AHI1: variants seen among roughly 807,000 people sequenced by gnomAD.
AHI1 encodes jouberin.
AHI1 carries 123 observed loss-of-function variants against 149.3 expected under a neutral mutation model. The observed-to-expected ratio is 0.82, with a 90% confidence interval of 0.71 to 0.96. The LOEUF is 0.96. AHI1 is among the 40% of genes least tolerant of loss of function. The probability of loss-of-function intolerance (pLI) is 0.00; values close to 1 mark genes in which losing one functional copy is unlikely to be tolerated. For synonymous variants in AHI1, 475 were observed against 459.8 expected (o/e 1.03, Z -0.42); for missense variants, 1,439 against 1,422.7 (o/e 1.01, Z -0.18).
intron 22 of AHI1, among the ~76,000 whole-genome samples, chr6:135,401,054 C>T (rs1271134973): frequency 1.3e-5 from 2 of 152,110 alleles, no homozygotes; most frequent in African/African-American, 4.8e-5. Context: ...CAATTGTTTC[C>T]CCTTGCTTGC....
chr6:135,362,281 T>C (rs1454074053), intron 23 of AHI1, among the ~76,000 whole-genome samples: 1 of 152,166 alleles, frequency 6.6e-6, no homozygotes, highest in Non-Finnish European at 1.5e-5. Context: ...TTTTGTACAG[T>C]GACTTTTTTT....
At chr6:135,345,587 G>A (rs1051295561) in intron 24 of AHI1, among the ~76,000 whole-genome samples, 2 of 152,140 alleles carry the variant, frequency 1.3e-5, no homozygotes, top group East Asian at 1.9e-4. Flanking sequence ...TACACAGTGC[G>A]TTTATATAAA....
At chr6:135,462,740 AC>A (rs1359604914) in intron 8 of AHI1, among the ~76,000 whole-genome samples, 2 of 152,122 alleles carry the variant, frequency 1.3e-5, no homozygotes, top group African/African-American at 4.8e-5. Flanking sequence ...GTCTCTACTA[AC>A]AATACAAAAA....
chr6:135,373,068 A>G (rs1582884341), intron 23 of AHI1, among the ~76,000 whole-genome samples: 1 of 152,220 alleles, frequency 6.6e-6, no homozygotes, highest in South Asian at 2.1e-4. Flanking sequence ...GCCTGAGTTA[A>G]CGTACTAGGA....
intron 22 of AHI1, among the ~76,000 whole-genome samples, chr6:135,400,200 A>G (rs968133520): frequency 6.6e-6 from 1 of 152,198 alleles, no homozygotes; most frequent in South Asian, 2.1e-4. Context: ...TTTCCAAATA[A>G]TTGAAAAACA....
At chr6:135,459,630 T>TTGA (rs1789546184) in intron 8 of AHI1, among the ~76,000 whole-genome samples, 1 of 150,112 alleles carries the variant, frequency 6.7e-6, no homozygotes, top group Non-Finnish European at 1.5e-5. Flanking sequence ...AAACTGCCAA[T>TTGA]ACCATGAATG....
intron 24 of AHI1, among the ~76,000 whole-genome samples, chr6:135,325,479 T>C (rs984901867): frequency 5.3e-5 from 8 of 152,240 alleles, no homozygotes; most frequent in Admixed American, 3.3e-4. Flanking sequence ...GTGCTCACCA[T>C]GTTCTCGATA....
At position 135,284,272 on chromosome 6, in the gene AHI1, A is replaced by T. The variant is rs913799133; in HGVS notation, c.*1373T>A. On this transcript the variant is annotated 3_prime_UTR_variant, in exon 29 of 29. Coordinates refer to ENST00000265602, the MANE Select transcript of AHI1 (RefSeq NM_001134831.2). ...CCAATTTTTATGCCTCTACATGTGCAGGGATAAGAGCCAAATATATTTTTA... is the reference window on the plus strand; with the variant it reads ...CCAATTTTTATGCCTCTACATGTGCTGGGATAAGAGCCAAATATATTTTTA... The T allele has an allele frequency of 1.3e-5, 2 of 152,218 alleles. No homozygotes were observed. The highest frequency in any genetic ancestry group is 4.8e-5 in the African/African-American group (2 of 41,450). The allele number at this position is 152,218 out of a possible 1,614,324, so 9.4% of individuals were successfully genotyped here.
intron 27 of AHI1, among the ~76,000 whole-genome samples, chr6:135,297,819 A>G (rs1783325937): frequency 1.3e-5 from 2 of 152,192 alleles, no homozygotes; most frequent in South Asian, 2.1e-4. Flanking sequence ...AGAGAAATGA[A>G]AGAGCCTGGA....
chr6:135,393,725 T>G (rs940319726), intron 23 of AHI1, among the ~76,000 whole-genome samples: 1 of 152,154 alleles, frequency 6.6e-6, no homozygotes, highest in Admixed American at 6.5e-5. Flanking sequence ...ATATTCATCA[T>G]GTTTACAATA....
At chr6:135,286,856 G>A (rs759401131) in intron 28 of AHI1, among the ~76,000 whole-genome samples, 7 of 152,030 alleles carry the variant, frequency 4.6e-5, no homozygotes, top group Non-Finnish European at 1.0e-4. Flanking sequence ...TACAGAATAC[G>A]GCATGCCAAG....
At chr6:135,355,031 T>C (rs1313987528) in intron 24 of AHI1, among the ~76,000 whole-genome samples, 1 of 152,164 alleles carries the variant, frequency 6.6e-6, no homozygotes, top group African/African-American at 2.4e-5. Flanking sequence ...CCACAATGTT[T>C]TGAGGAGAAA....
intron 15 of AHI1, among the ~76,000 whole-genome samples, chr6:135,433,698 A>C (rs73777527): frequency 0.055 from 8,398 of 152,070 alleles, 686 homozygotes; most frequent in African/African-American, 0.18. Context: ...AGAATAGAAT[A>C]GTCTATTAAC....
chr6:135,482,007 C>T (rs1211134878), intron 5 of AHI1, among the ~76,000 whole-genome samples: 1 of 151,656 alleles, frequency 6.6e-6, no homozygotes, highest in Non-Finnish European at 1.5e-5. Flanking sequence ...TTAAGATTTC[C>T]AATTTATCCT....
At chr6:135,338,981 G>A (rs552512288) in intron 24 of AHI1, among the ~76,000 whole-genome samples, 6 of 148,982 alleles carry the variant, frequency 4.0e-5, no homozygotes, top group African/African-American at 1.3e-4. Flanking sequence ...AGACTGGAGC[G>A]CAGTGGTGCA....
At chr6:135,473,312 A>G (rs575316240) in intron 5 of AHI1, among the ~76,000 whole-genome samples, 1 of 152,252 alleles carries the variant, frequency 6.6e-6, no homozygotes, top group South Asian at 2.1e-4. Flanking sequence ...TTATATGCCT[A>G]TCTTTATGAC....
At chr6:135,307,448 T>C (rs914999107) in intron 26 of AHI1, among the ~76,000 whole-genome samples, 1 of 152,142 alleles carries the variant, frequency 6.6e-6, no homozygotes, top group African/African-American at 2.4e-5. Context: ...AGACATTTTA[T>C]ATATACTCAT....
In AHI1 at chr6:135,323,229, G is replaced by A. The variant is rs898840701; in HGVS notation, c.3261C>T (p.Asp1087=). The A allele has an allele frequency of 3.1e-6, 5 of 1,613,688 alleles. No homozygotes were observed. The highest frequency in any genetic ancestry group is 4.2e-6 in the Non-Finnish European group (5 of 1,179,812). The change falls in exon 25 of 29, where the codon GAC becomes GAT. Residue 1087 remains aspartate (D), a synonymous_variant. Coordinates refer to ENST00000265602, the MANE Select transcript of AHI1 (RefSeq NM_001134831.2). ...CCTTTCCTATGCTGCCATACCACCA[G>A]TCTTCATTATCTTTGAAAAACACTC... The part of the protein sequence containing the change: ...IIRVFFKDNE[D]WWYGSIGKGQ...
At chr6:135,329,327 G>A (rs1788182950) in intron 24 of AHI1, among the ~76,000 whole-genome samples, 1 of 152,164 alleles carries the variant, frequency 6.6e-6, no homozygotes, top group South Asian at 2.1e-4. Context: ...CTCCTGCTAG[G>A]AACTAATACA....
Sources: gnomAD v4.1 joint callset for allele counts (sites outside exome capture counted in the v4.1 genomes callset) on GRCh38, gnomAD v4.1.1 for gene constraint, MANE v1.5 for transcripts, NCBI Gene and HGNC (gene_info 2026-07-23, HGNC 2026-07-21) for gene names.